The following ZDHHC11B variants were observed in gnomAD, a reference collection of about 807,000 sequenced individuals.
ZDHHC11B encodes zDHHC palmitoyltransferase 11B (putative).
Under a neutral mutation model 42.3 loss-of-function variants are expected in ZDHHC11B, and 17 were observed. The ratio of observed to expected loss-of-function variants is 0.40; its 90% CI spans 0.27 to 0.60. The LOEUF (loss-of-function observed/expected upper bound fraction) is 0.60. Among genes scored for constraint, ZDHHC11B ranks in the 20% least tolerant of loss-of-function variants. The pLI, the probability that ZDHHC11B is intolerant of heterozygous loss-of-function variation, is 0.41. For synonymous variants in ZDHHC11B, 123 were observed against 193.5 expected (o/e 0.64, Z 3.02); for missense variants, 262 against 463.2 (o/e 0.57, Z 3.99).
chr5:727,871 G>A lies in ZDHHC11B; in HGVS notation c.1058+2563C>T, dbSNP rs369810423. Among the ~76,000 whole-genome samples, 4 of 151,754 alleles carry A rather than the reference G, an allele frequency of 2.6e-5. No homozygotes were observed. The East Asian group carries it at 5.8e-4, about 22-fold the overall frequency. ...CAGCAAAGAGTTCTGGATGATTTTT[G>A]TATAACCCTGGAGTAAGAAAGACTT... On this transcript the variant is annotated intron_variant, in intron 12 of 13. Transcript: ENST00000508859.
intron 1 of ZDHHC11B, among the ~76,000 whole-genome samples, chr5:778,853 C>G (rs1190775470): frequency 6.6e-6 from 1 of 151,918 alleles, no homozygotes; most frequent in Non-Finnish European, 1.5e-5. Context: ...ACGCTGGAAC[C>G]TAATCCCCAT....
At chr5:733,665 G>A in intron 11 of ZDHHC11B, 87 bp downstream of exon 11, 5 of 1,197,852 alleles carry the variant, frequency 4.2e-6, no homozygotes, top group Non-Finnish European at 6.1e-6. Flanking sequence ...TCTGAATACT[G>A]CCTTAACCTC....
chr5:742,954 T>C (rs867175252), intron 9 of ZDHHC11B, among the ~76,000 whole-genome samples: 1 of 149,700 alleles, frequency 6.7e-6, no homozygotes, highest in Non-Finnish European at 1.5e-5. Flanking sequence ...TCTAGAAGTG[T>C]TCTATGTTCA....
intron 12 of ZDHHC11B, among the ~76,000 whole-genome samples, chr5:726,854 G>T (rs1409470601): frequency 3.7e-5 from 4 of 109,224 alleles, no homozygotes; most frequent in Non-Finnish European, 7.4e-5. Flanking sequence ...TTACAATCCT[G>T]GTCACAATTA....
At chr5:716,742 T>C in intron 13 of ZDHHC11B, 59 bp downstream of exon 13, 1 of 1,605,144 alleles carries the variant, frequency 6.2e-7, no homozygotes, top group Non-Finnish European at 8.5e-7. Context: ...GATATTTCAC[T>C]CTCTAGAGAA....
chr5:747,739 G>C (rs1745020344), intron 8 of ZDHHC11B: 1 of 174,516 alleles, frequency 5.7e-6, no homozygotes, highest in South Asian at 1.6e-4. Context: ...GAAACCCCCT[G>C]AGAGGCCACA....
At chr5:766,096 G>T (rs1561187424) in intron 4 of ZDHHC11B, among the ~76,000 whole-genome samples, 1 of 151,886 alleles carries the variant, frequency 6.6e-6, no homozygotes, top group Non-Finnish European at 1.5e-5. Context: ...ATGGTCAGCT[G>T]GAGGTAGTGC....
intron 1 of ZDHHC11B, among the ~76,000 whole-genome samples, chr5:771,175 G>A (rs1456420017): frequency 1.1e-4 from 17 of 151,818 alleles, no homozygotes; most frequent in Non-Finnish European, 1.8e-4. Flanking sequence ...TGGGACTCAC[G>A]AAGCCCTCTC....
intron 1 of ZDHHC11B, among the ~76,000 whole-genome samples, chr5:773,907 G>A (rs557063123): frequency 6.6e-6 from 1 of 151,990 alleles, no homozygotes; most frequent in South Asian, 2.1e-4. Context: ...AGACTGTGTT[G>A]TCCAACTGGC....
At chr5:721,260 AT>A (rs1293784120) in intron 12 of ZDHHC11B, among the ~76,000 whole-genome samples, 2 of 150,552 alleles carry the variant, frequency 1.3e-5, no homozygotes, top group African/African-American at 4.9e-5. Context: ...TCAACTAAAG[AT>A]TTTTTAAATG....
intron 4 of ZDHHC11B, among the ~76,000 whole-genome samples, chr5:766,350 G>A (rs1225189419): frequency 6.6e-6 from 1 of 151,904 alleles, no homozygotes; most frequent in Non-Finnish European, 1.5e-5. Context: ...CACCTGCTGG[G>A]AGATGGGAGC....
In ZDHHC11B at chr5:711,136, T is replaced by A. The variant is rs540192551; in HGVS notation, c.*1154A>T. On this transcript the variant is annotated 3_prime_UTR_variant, in exon 14 of 14. Coordinates refer to ENST00000508859, the MANE Select transcript of ZDHHC11B (RefSeq NM_001351303.2). Reference sequence around the variant, plus strand: ...ACTGTGCTCCCATTTCCCAGTACTATGGGCTCCCCTTTCCCAGTACTGTGC... The same window carrying A: ...ACTGTGCTCCCATTTCCCAGTACTAAGGGCTCCCCTTTCCCAGTACTGTGC... 3 of 154,478 alleles carry A rather than the reference T, an allele frequency of 1.9e-5. No individual in the cohort carries two copies. In the East Asian group the frequency reaches 5.8e-4, roughly 30 times the overall value. The allele number at this position is 154,478 out of a possible 1,614,324, so 9.6% of individuals were successfully genotyped here. A position where few individuals can be genotyped will look rare whatever the true frequency, so the allele number is the denominator to read the frequency against.
chr5:777,916 A>AG (rs541661648), intron 1 of ZDHHC11B, among the ~76,000 whole-genome samples: 6,722 of 150,896 alleles, frequency 0.045, 298 homozygotes, highest in Non-Finnish European at 0.066. Flanking sequence ...GGGGCGGGGG[A>AG]GGGGGGGCGT....
intron 4 of ZDHHC11B, among the ~76,000 whole-genome samples, chr5:759,093 A>C (rs1308958756): frequency 6.6e-6 from 1 of 151,948 alleles, no homozygotes; most frequent in Non-Finnish European, 1.5e-5. Context: ...AATAAAAAGT[A>C]AAAGAAGTAG....
At chr5:763,555 TG>T (rs1306607069) in intron 4 of ZDHHC11B, among the ~76,000 whole-genome samples, 4 of 151,680 alleles carry the variant, frequency 2.6e-5, no homozygotes, top group African/African-American at 4.8e-5. Context: ...GGGCCTCCTG[TG>T]GGCAAAGGCA....
At position 766,889 on chromosome 5, in the gene ZDHHC11B, C is replaced by T. The variant is rs1329461678; in HGVS notation, c.31G>A (p.Val11Ile). 6.0e-5 allele frequency: 96 copies of T among 1,612,362 alleles called. 4 individuals carry two copies. Among genetic ancestry groups the T allele is most frequent in the South Asian group, 8.8e-5 (8 of 90,922 alleles). Residue 11 changes from valine to isoleucine, a missense_variant, in exon 4 of 14, where the codon GTC becomes ATC. This residue lies in a region of ZDHHC11B where 97 missense variants were observed against 98.1 expected (regional missense o/e 0.99). Coordinates refer to ENST00000508859, the MANE Select transcript of ZDHHC11B (RefSeq NM_001351303.2). Reference sequence around the variant, plus strand: ...TTGTTGCGTATGGCTTCTGGGGTGACGGAACACTGGCTCCCGGAGCGGGTG... The same window carrying T: ...TTGTTGCGTATGGCTTCTGGGGTGATGGAACACTGGCTCCCGGAGCGGGTG... MDTRSGSQCS[V>I]TPEAIRNNEE...
intron 4 of ZDHHC11B, among the ~76,000 whole-genome samples, chr5:756,839 G>T (rs1175148013): frequency 6.6e-6 from 1 of 151,636 alleles, no homozygotes; most frequent in African/African-American, 2.4e-5. Flanking sequence ...CTCTCCCCGA[G>T]ACTTGCTCAG....
At chr5:778,125 T>A (rs1736697324) in intron 1 of ZDHHC11B, among the ~76,000 whole-genome samples, 1 of 151,894 alleles carries the variant, frequency 6.6e-6, no homozygotes, top group Non-Finnish European at 1.5e-5. Context: ...GATACGGGTC[T>A]GAGATGGCTG....
chr5:760,424 A>G (rs1734447495), intron 4 of ZDHHC11B, among the ~76,000 whole-genome samples: 1 of 151,766 alleles, frequency 6.6e-6, no homozygotes, highest in Admixed American at 6.6e-5. Flanking sequence ...GACGAGCCAC[A>G]GAGAGCGGCC....
Sources: allele counts gnomAD v4.1 joint callset (sites outside exome capture counted in the v4.1 genomes callset), GRCh38; gene constraint gnomAD v4.1.1; regional missense constraint gnomAD v4.1.1; transcripts MANE v1.5; gene names NCBI Gene and HGNC (gene_info 2026-07-23, HGNC 2026-07-21).